KAZN: variants seen among roughly 807,000 people sequenced by gnomAD.
KAZN encodes the protein kazrin.
Under a neutral mutation model 87.4 loss-of-function variants are expected in KAZN, and 40 were observed. That is an observed-to-expected ratio of 0.46 (90% CI 0.36 to 0.60). The LOEUF (loss-of-function observed/expected upper bound fraction) is 0.60. Ranked by LOEUF, KAZN falls within the 20% of genes least tolerant of loss-of-function variation. The probability of loss-of-function intolerance (pLI) is 0.00; values close to 1 mark genes in which losing one functional copy is unlikely to be tolerated. For synonymous variants in KAZN, 466 were observed against 458.3 expected (o/e 1.02, Z -0.22); for missense variants, 898 against 1,073.9 (o/e 0.84, Z 2.29).
At chr1:14,768,233 A>G (rs1322924757) in intron 1 of KAZN, among the ~76,000 whole-genome samples, 1 of 152,220 alleles carries the variant, frequency 6.6e-6, no homozygotes, top group Non-Finnish European at 1.5e-5. Context: ...CTCTATTTAT[A>G]TGACTATTTT....
chr1:14,889,469 T>C (rs548377512), intron 1 of KAZN, among the ~76,000 whole-genome samples: 5 of 152,332 alleles, frequency 3.3e-5, no homozygotes, highest in African/African-American at 9.6e-5. Context: ...TGTACCCAAA[T>C]CCTTGTCTCA....
chr1:14,003,869 G>A (rs1430275441), intron 1 of KAZN, among the ~76,000 whole-genome samples: 2 of 151,952 alleles, frequency 1.3e-5, no homozygotes, highest in Non-Finnish European at 2.9e-5. Context: ...AAAAGGAACT[G>A]GTAAATAGGA....
At chr1:14,492,900 G>GC in intron 2 of KAZN, among the ~76,000 whole-genome samples, 1 of 151,468 alleles carries the variant, frequency 6.6e-6, no homozygotes, top group East Asian at 2.0e-4. Flanking sequence ...CACTACCTCT[G>GC]CCATCCCCCA....
At chr1:14,267,359 CA>C (rs61641430) in intron 2 of KAZN, among the ~76,000 whole-genome samples, 5,792 of 64,726 alleles carry the variant, frequency 0.089, 99 homozygotes, top group Middle Eastern at 0.15. Flanking sequence ...AGCCGATAAG[CA>C]AAAAAAAAAA....
intron 1 of KAZN, among the ~76,000 whole-genome samples, chr1:14,081,093 A>G (rs570785648): frequency 6.6e-6 from 1 of 151,770 alleles, no homozygotes; most frequent in East Asian, 1.9e-4. Flanking sequence ...CTCTATGGAC[A>G]CACATGGTGT....
intron 1 of KAZN, among the ~76,000 whole-genome samples, chr1:13,942,971 G>A (rs1014024912): frequency 6.6e-6 from 1 of 152,086 alleles, no homozygotes; most frequent in African/African-American, 2.4e-5. Flanking sequence ...GAGACATATG[G>A]ACATGGTAAA....
intron 2 of KAZN, among the ~76,000 whole-genome samples, chr1:14,476,343 G>A (rs907929880): frequency 2.0e-5 from 3 of 152,162 alleles, no homozygotes; most frequent in African/African-American, 7.2e-5. Context: ...ATTTTCAAGT[G>A]AACTTTATCA....
At chr1:14,353,502 A>C (rs1188686878) in intron 2 of KAZN, among the ~76,000 whole-genome samples, 2 of 152,048 alleles carry the variant, frequency 1.3e-5, no homozygotes, top group Non-Finnish European at 2.9e-5. Flanking sequence ...TACAGGCGTG[A>C]GCCACCGCGC....
At chr1:15,073,415 T>G (rs1639601770) in intron 8 of KAZN, among the ~76,000 whole-genome samples, 1 of 152,132 alleles carries the variant, frequency 6.6e-6, no homozygotes. Flanking sequence ...GCCCGTGGGT[T>G]GGAGGGCAGA....
At chr1:14,411,809 C>T (rs907546486) in intron 2 of KAZN, among the ~76,000 whole-genome samples, 5 of 152,060 alleles carry the variant, frequency 3.3e-5, no homozygotes, top group Admixed American at 6.5e-5. Flanking sequence ...AATGAAAATA[C>T]CAGACAGTAA....
chr1:14,940,767 C>T (rs1360698176), intron 1 of KAZN, among the ~76,000 whole-genome samples: 1 of 152,090 alleles, frequency 6.6e-6, no homozygotes, highest in Non-Finnish European at 1.5e-5. Flanking sequence ...CAGGCAGCCC[C>T]TCTGGAAGCA....
intron 1 of KAZN, among the ~76,000 whole-genome samples, chr1:14,072,681 G>C (rs1170938499): frequency 2.0e-5 from 3 of 152,188 alleles, no homozygotes; most frequent in Non-Finnish European, 4.4e-5. Flanking sequence ...TACTGACCTA[G>C]GTTTGAGTCC....
chr1:14,338,095 A>G (rs566203977), intron 2 of KAZN, among the ~76,000 whole-genome samples: 85 of 152,260 alleles, frequency 5.6e-4, no homozygotes, highest in African/African-American at 2.0e-3. Flanking sequence ...GAGAATCTCA[A>G]TCTGCCTAAG....
At chr1:14,296,479 A>G (rs913833292) in intron 2 of KAZN, among the ~76,000 whole-genome samples, 1 of 152,164 alleles carries the variant, frequency 6.6e-6, no homozygotes, top group Non-Finnish European at 1.5e-5. Context: ...TGACGAGCTC[A>G]GTTCCTGCCT....
chr1:14,520,227 G>T (rs1319990893), intron 2 of KAZN, among the ~76,000 whole-genome samples: 4 of 152,080 alleles, frequency 2.6e-5, no homozygotes, highest in African/African-American at 9.7e-5. Flanking sequence ...ATGATCCATT[G>T]GGTGTGGCCA....
At chr1:14,595,693 AAAAAAG>A (rs1383521604), upstream of KAZN, among the ~76,000 whole-genome samples, 110 of 149,468 alleles carry the variant, frequency 7.4e-4, 1 homozygote, top group South Asian at 7.3e-3. Flanking sequence ...AAAAAAAAAA[AAAAAAG>A]AAAAAGAAAA....
chr1:14,453,446 A>T (rs1038593473), intron 2 of KAZN, among the ~76,000 whole-genome samples: 3 of 152,234 alleles, frequency 2.0e-5, no homozygotes, highest in Non-Finnish European at 4.4e-5. Context: ...AACAAACACA[A>T]GGTGAATGCC....
chr1:14,624,346 C>T lies in KAZN; in HGVS notation c.226+25123C>T, dbSNP rs187321685. 5.0e-3 allele frequency among the ~76,000 whole-genome samples: 766 copies of T among 151,768 alleles called. 13 individuals carry two copies. The highest frequency in any genetic ancestry group is 0.018 in the African/African-American group (733 of 41,336). ...CTGAGGCAGGAGAATCGCTTGAATC[C>T]GGGAGGCGGAGGTTGCAGTGAGCCA... On this transcript the variant is annotated intron_variant, in intron 1 of 14. Coordinates refer to ENST00000376030, the MANE Select transcript of KAZN (RefSeq NM_201628.3).
intron 1 of KAZN, among the ~76,000 whole-genome samples, chr1:14,138,070 A>G (rs1247994074): frequency 7.1e-6 from 1 of 141,108 alleles, no homozygotes; most frequent in Non-Finnish European, 1.5e-5. Flanking sequence ...GTTAGCATTA[A>G]ATAAATGTTA....
Sources: allele counts gnomAD v4.1 joint callset (sites outside exome capture counted in the v4.1 genomes callset), GRCh38; gene constraint gnomAD v4.1.1; transcripts MANE v1.5; gene names NCBI Gene and HGNC (gene_info 2026-07-23, HGNC 2026-07-21).